SETD3: variants seen among roughly 807,000 people sequenced by gnomAD.
The protein encoded by SETD3 is SET domain containing 3, actin N3(tau)-histidine methyltransferase.
Under a neutral mutation model 63.0 loss-of-function variants are expected in SETD3, and 19 were observed. The observed-to-expected ratio is 0.30, with a 90% CI of 0.21 to 0.44. SETD3 has a LOEUF of 0.44. Ranked by LOEUF, SETD3 falls within the 20% of genes least tolerant of loss-of-function variation. The probability of loss-of-function intolerance (pLI) is 1.00; values close to 1 mark genes in which losing one functional copy is unlikely to be tolerated. For synonymous variants in SETD3, 286 were observed against 264.1 expected (o/e 1.08, Z -0.80); for missense variants, 587 against 728.5 (o/e 0.81, Z 2.24).
At chr14:99,424,165 T>C (rs1892750943) in intron 6 of SETD3, among the ~76,000 whole-genome samples, 1 of 152,246 alleles carries the variant, frequency 6.6e-6, no homozygotes, top group Non-Finnish European at 1.5e-5. Flanking sequence ...ACTTAAGCTA[T>C]CTTTTACTAT....
At chr14:99,421,107 T>G (rs1278416758) in intron 6 of SETD3, among the ~76,000 whole-genome samples, 1 of 128,180 alleles carries the variant, frequency 7.8e-6, no homozygotes, top group Non-Finnish European at 1.6e-5. Flanking sequence ...TTAAGGACTC[T>G]AAACGATGAC....
chr14:99,445,722 T>A (rs558122560), intron 6 of SETD3, among the ~76,000 whole-genome samples: 1 of 152,306 alleles, frequency 6.6e-6, no homozygotes, highest in East Asian at 1.9e-4. Context: ...CTCATAAGGA[T>A]ACTTATTCAG....
At chr14:99,403,735 T>G (rs914166031) in intron 11 of SETD3, among the ~76,000 whole-genome samples, 1 of 152,228 alleles carries the variant, frequency 6.6e-6, no homozygotes, top group Admixed American at 6.5e-5. Flanking sequence ...TTATTTACTC[T>G]AACAGGATGC....
chr14:99,481,600 C>T (rs989590735), upstream of SETD3: 2 of 395,228 alleles, frequency 5.1e-6, no homozygotes, highest in East Asian at 7.2e-5. Flanking sequence ...TTCTGCCTCC[C>T]TCCGCTAACC....
At chr14:99,480,581 G>A (rs957517232) in intron 1 of SETD3, 147 bp downstream of exon 1, 2 of 150,784 alleles carry the variant, frequency 1.3e-5, no homozygotes, top group African/African-American at 4.8e-5. Flanking sequence ...GGGCCACAGC[G>A]GCCGGCGGGG....
At chr14:99,481,841 AT>A (rs779439192), upstream of SETD3, among the ~76,000 whole-genome samples, 2 of 152,188 alleles carry the variant, frequency 1.3e-5, no homozygotes, top group Non-Finnish European at 2.9e-5. Context: ...CTCCCCGATT[AT>A]TTCGCGGCGT....
In SETD3 at chr14:99,404,208, T is replaced by C; in HGVS notation, c.1177+17A>G. On this transcript the variant is annotated intron_variant, in intron 11 of 12. Coordinates refer to ENST00000331768, the MANE Select transcript of SETD3 (RefSeq NM_032233.3). ...AAAGAAAAAAGTCAACATCTCTTTT[T>C]TCCTGAAATGACTTACCTTCAGTCA... The C allele has an allele frequency of 6.2e-7, 1 of 1,605,100 alleles. No individual in the cohort carries two copies. Among genetic ancestry groups the C allele is most frequent in the Non-Finnish European group, 8.5e-7 (1 of 1,173,290 alleles).
intron 6 of SETD3, among the ~76,000 whole-genome samples, chr14:99,456,840 A>G (rs1265039713): frequency 6.6e-6 from 1 of 152,240 alleles, no homozygotes; most frequent in East Asian, 1.9e-4. Flanking sequence ...GAAACAGCCA[A>G]AGCTCATTCA....
intron 4 of SETD3, 83 bp downstream of exon 4, chr14:99,461,109 T>C (rs1446853762): frequency 2.0e-6 from 3 of 1,500,028 alleles, no homozygotes; most frequent in African/African-American, 1.4e-5. Flanking sequence ...CCACCACACG[T>C]CTACCTCTTC....
At chr14:99,452,403 C>T (rs1337150078) in intron 6 of SETD3, among the ~76,000 whole-genome samples, 1 of 152,198 alleles carries the variant, frequency 6.6e-6, no homozygotes, top group East Asian at 1.9e-4. Context: ...CTGCACCCAG[C>T]CCAAGACTTT....
chr14:99,423,957 CTCT>C lies in SETD3; in HGVS notation c.676-10026_676-10024del, dbSNP rs376247827. Among the ~76,000 whole-genome samples, 1,175 of 151,556 alleles carry C rather than the reference CTCT, an allele frequency of 7.8e-3. 13 individuals carry two copies. Among genetic ancestry groups the C allele is most frequent in the African/African-American group, 0.027 (1,105 of 41,400 alleles). On this transcript the variant is annotated intron_variant, in intron 6 of 12. Transcript: ENST00000331768. ...CAATAGTGGTAAAATGGATTTCACT[CTCT>C]TTTTTTTTTTTCCAGAGGAAATACT...
chr14:99,486,104 C>T, the SETD3 span, among the ~76,000 whole-genome samples: 3 of 151,410 alleles, frequency 2.0e-5, no homozygotes, highest in Non-Finnish European at 4.4e-5. Flanking sequence ...CTCTAATAAA[C>T]AACTAATCAC....
chr14:99,419,797 AC>A lies in SETD3; in HGVS notation c.676-5864del, dbSNP rs1213604683. On this transcript the variant is annotated intron_variant, in intron 6 of 12. Coordinates refer to ENST00000331768, the MANE Select transcript of SETD3 (RefSeq NM_032233.3). ...CTCAAAAAAAAAAACAAAAAAAAAA[AC>A]CTTTTTATTAGCTACCATTTGTATA... is the stretch of plus-strand genomic sequence containing the variant. Among the ~76,000 whole-genome samples the A allele has an allele frequency of 6.0e-5, 9 of 151,062 alleles. No homozygotes were observed. In the East Asian group the frequency reaches 1.7e-3, roughly 29 times the overall value.
chr14:99,476,235 T>A (rs1305702254), intron 1 of SETD3, among the ~76,000 whole-genome samples: 1 of 152,204 alleles, frequency 6.6e-6, no homozygotes, highest in Non-Finnish European at 1.5e-5. Flanking sequence ...CAATGACAAA[T>A]CTTACTGATA....
intron 1 of SETD3, among the ~76,000 whole-genome samples, chr14:99,471,909 A>G (rs571028641): frequency 2.6e-5 from 4 of 152,108 alleles, no homozygotes; most frequent in Non-Finnish European, 5.9e-5. Flanking sequence ...CATCCCCACC[A>G]TAGCCCACTG....
At chr14:99,470,495 A>T (rs765625340) in intron 1 of SETD3, among the ~76,000 whole-genome samples, 2 of 152,110 alleles carry the variant, frequency 1.3e-5, no homozygotes, top group Non-Finnish European at 2.9e-5. Flanking sequence ...CAGTAAATGT[A>T]TCTCCCTAGG....
intron 6 of SETD3, among the ~76,000 whole-genome samples, chr14:99,417,827 A>G (rs1205858254): frequency 2.6e-5 from 4 of 152,226 alleles, no homozygotes; most frequent in Non-Finnish European, 5.9e-5. Context: ...GTATTTCCAT[A>G]AATACATGGA....
In SETD3 at chr14:99,399,741, A is replaced by AAT. The variant is rs1566869064; in HGVS notation, c.1338+357_1338+358insAT. Reference sequence around the variant, plus strand: ...GAATTAACAAGAAATCTTTCATTAAATTTTTTTTTTTTTTTTTTTTTTTTT... The same window carrying AAT: ...GAATTAACAAGAAATCTTTCATTAAAATTTTTTTTTTTTTTTTTTTTTTTTTT... On this transcript the variant is annotated intron_variant, in intron 12 of 12. Coordinates refer to ENST00000331768, the MANE Select transcript of SETD3 (RefSeq NM_032233.3). Among the ~76,000 whole-genome samples, 10 of 127,724 alleles carry AAT rather than the reference A, an allele frequency of 7.8e-5. 3 individuals are homozygous for AAT. The highest frequency in any genetic ancestry group is 8.3e-5 in the Admixed American group (1 of 12,064). The allele number at this position is 127,724 out of a possible 152,430, so 83.8% of individuals were successfully genotyped here. A position where few individuals can be genotyped will look rare whatever the true frequency, so the allele number is the denominator to read the frequency against.
chr14:99,440,847 T>C (rs1009376760), intron 6 of SETD3, among the ~76,000 whole-genome samples: 10 of 144,406 alleles, frequency 6.9e-5, no homozygotes, highest in African/African-American at 2.3e-4. Flanking sequence ...AACAGAAAAA[T>C]ACAATAGCCC....
Sources: allele counts gnomAD v4.1 joint callset (sites outside exome capture counted in the v4.1 genomes callset), GRCh38; gene constraint gnomAD v4.1.1; transcripts MANE v1.5; gene names NCBI Gene and HGNC (gene_info 2026-07-23, HGNC 2026-07-21).